SLC26A11: variants seen among roughly 807,000 people sequenced by gnomAD.
SLC26A11 encodes the protein solute carrier family 26 member 11.
Under a neutral mutation model 62.2 loss-of-function variants are expected in SLC26A11, and 58 were observed. The ratio of observed to expected loss-of-function variants is 0.93; its 90% CI spans 0.76 to 1.16. The LOEUF (loss-of-function observed/expected upper bound fraction) is 1.16. Ranked by LOEUF, SLC26A11 falls within the 50% of genes most tolerant of loss-of-function variation. The pLI, the probability that SLC26A11 is intolerant of heterozygous loss-of-function variation, is 0.00. For missense variants in SLC26A11, 790 were observed against 794.3 expected (o/e 0.99, Z 0.06); for synonymous variants, 411 against 368.9 (o/e 1.11, Z -1.31).
At chr17:80,239,623 T>C (rs149471783) in intron 9 of SLC26A11, among the ~76,000 whole-genome samples, 21,234 of 151,108 alleles carry the variant, frequency 0.14, 2,213 homozygotes, top group African/African-American at 0.29. Context: ...GTGATCTGCC[T>C]GCCTTAGCCT....
chr17:80,222,049 C>T lies in SLC26A11; in HGVS notation c.234+255C>T, dbSNP rs112798686. 9,165 of 459,178 alleles carry T rather than the reference C, an allele frequency of 0.02. 123 individuals are homozygous for T. The highest frequency in any genetic ancestry group is 0.027 in the Non-Finnish European group (7,167 of 262,776). 28.4% of individuals were successfully genotyped at this position (459,178 alleles called of 1,614,324 possible). A position where few individuals can be genotyped will look rare whatever the true frequency, so the allele number is the denominator to read the frequency against. On this transcript the variant is annotated intron_variant, in intron 3 of 17. Transcript: ENST00000361193. The surrounding 1 kb of genome is among the most constrained non-coding windows in gnomAD (Gnocchi z 4.7). Reference sequence around the variant, plus strand: ...AGGCCTCAGGAGTTCAAGACCAGCCCGACCAAAATGGTGAAACCCCGTCTC... The same window carrying T: ...AGGCCTCAGGAGTTCAAGACCAGCCTGACCAAAATGGTGAAACCCCGTCTC...
At position 80,222,771 on chromosome 17, in the gene SLC26A11, C is replaced by T. The variant is rs2042258718; in HGVS notation, c.351C>T (p.Phe117=). 1.2e-6 allele frequency: 2 copies of T among 1,614,234 alleles called. No individual in the cohort carries two copies. Among genetic ancestry groups the T allele is most frequent in the Non-Finnish European group, 1.7e-6 (2 of 1,180,052 alleles). ...IMSLLVSFYT[F]HEPAYAVLLA... The stretch of plus-strand genomic sequence containing the variant: ...CCCTCCTGGTCTCCTTCTACACCTT[C>T]CATGAGCCCGCCTACGCTGTGCTGC... Residue 117 remains phenylalanine, a synonymous_variant, in exon 4 of 18, where the codon TTC becomes TTT. Transcript: ENST00000361193. The surrounding 1 kb of genome is among the most constrained non-coding windows in gnomAD (Gnocchi z 4.7).
Position 80,222,325 on chromosome 17 carries a change from G to A in SLC26A11, c.235-330G>A, listed in dbSNP as rs1193533890. 4.2e-6 allele frequency: 1 copy of A among 238,350 alleles called. No individual in the cohort carries two copies. Among genetic ancestry groups the A allele is most frequent in the African/African-American group, 2.3e-5 (1 of 43,488 alleles). The allele number at this position is 238,350 out of a possible 1,614,324, so 14.8% of individuals were successfully genotyped here. A position where few individuals can be genotyped will look rare whatever the true frequency, so the allele number is the denominator to read the frequency against. ...CGGGAGGCGGAGCTTGCAGTGAGCC[G>A]AGACTGTGCCACTGCCCTCCAGCCT... On this transcript the variant is annotated intron_variant, in intron 3 of 17. Coordinates refer to ENST00000361193, the MANE Select transcript of SLC26A11 (RefSeq NM_001166347.2). This position sits in a 1 kb window ranked among gnomAD's most constrained non-coding sequence, Gnocchi z 4.7.
chr17:80,242,354 TC>T (rs1310519405), intron 10 of SLC26A11, among the ~76,000 whole-genome samples: 1 of 152,214 alleles, frequency 6.6e-6, no homozygotes, highest in Non-Finnish European at 1.5e-5. Context: ...GGAGCTGACA[TC>T]TGTTGTCTGT....
intron 5 of SLC26A11, chr17:80,225,536 G>T: frequency 3.3e-6 from 1 of 306,582 alleles, no homozygotes; most frequent in South Asian, 3.6e-5. Context: ...GAACCTGTCT[G>T]CCTGCTGTGG....
At chr17:80,230,689 G>A (rs1211967145) in intron 7 of SLC26A11, among the ~76,000 whole-genome samples, 2 of 152,122 alleles carry the variant, frequency 1.3e-5, no homozygotes, top group African/African-American at 2.4e-5. Context: ...TGTCTCCGCA[G>A]CCAGAAAGGT....
At position 80,222,926 on chromosome 17, in the gene SLC26A11, T is replaced by A; in HGVS notation, c.427+79T>A. The stretch of plus-strand genomic sequence containing the variant: ...TTTGCATTTCAAGTCTATCCCCGTG[T>A]GCGTGTGTGTGCGTGTTGGGGTGTG... On this transcript the variant is annotated intron_variant, in intron 4 of 17. Transcript: ENST00000361193. This position sits in a 1 kb window ranked among gnomAD's most constrained non-coding sequence, Gnocchi z 4.7. 7.3e-7 allele frequency: 1 copy of A among 1,369,900 alleles called. No individual in the cohort carries two copies. Among genetic ancestry groups the A allele is most frequent in the South Asian group, 1.3e-5 (1 of 79,320 alleles). The allele number at this position is 1,369,900 out of a possible 1,614,324, so 84.9% of individuals were successfully genotyped here.
At chr17:80,245,010 C>T (rs1382861793) in intron 10 of SLC26A11, among the ~76,000 whole-genome samples, 186 bp from the exon 11 acceptor site, 1 of 148,264 alleles carries the variant, frequency 6.7e-6, no homozygotes, top group South Asian at 2.2e-4. Flanking sequence ...CTAGGCTTTA[C>T]GTCTGCAAGA....
At chr17:80,231,742 G>T (rs1223061315) in intron 7 of SLC26A11, among the ~76,000 whole-genome samples, 1 of 152,180 alleles carries the variant, frequency 6.6e-6, no homozygotes, top group Admixed American at 6.5e-5. Context: ...ATAGTTGGGG[G>T]TTTCCCAATT....
intron 7 of SLC26A11, 30 bp from the exon 8 acceptor site, chr17:80,236,898 G>A: frequency 6.3e-7 from 1 of 1,591,632 alleles, no homozygotes; most frequent in Non-Finnish European, 8.6e-7. Flanking sequence ...CGGGAGCAGG[G>A]TCTCGGACGC....
chr17:80,251,579 A>G (rs894947529), intron 17 of SLC26A11, among the ~76,000 whole-genome samples, 178 bp downstream of exon 17: 9 of 152,164 alleles, frequency 5.9e-5, no homozygotes, highest in Admixed American at 5.9e-4. Flanking sequence ...CCTGGCCAAC[A>G]TGGTAAAACC....
chr17:80,239,391 C>CTTTCT (rs1555629305), intron 9 of SLC26A11, among the ~76,000 whole-genome samples: 3,340 of 131,588 alleles, frequency 0.025, 171 homozygotes, highest in African/African-American at 0.089. Flanking sequence ...CCAGTAATTT[C>CTTTCT]TTTTTTTTTT....
At position 80,236,276 on chromosome 17, in the gene SLC26A11, A is replaced by ATCTCTGCAGC. The variant is rs1299611132; in HGVS notation, c.737-648_737-639dup. Among the ~76,000 whole-genome samples the ATCTCTGCAGC allele has an allele frequency of 2.9e-4, 44 of 152,280 alleles. No homozygotes were observed. The South Asian group carries it at 3.9e-3, about 14-fold the overall frequency. On this transcript the variant is annotated intron_variant, in intron 7 of 17. Transcript: ENST00000361193. ...TGCACATCCGAGGGCACCTCTGCAG[A>ATCTCTGCAGC]TCTCTGCAGCTCTGTCTCCGGCTGC... is the stretch of plus-strand genomic sequence containing the variant.
Position 80,252,433 on chromosome 17 carries a change from A to G in SLC26A11, c.1730-192A>G, listed in dbSNP as rs1267489798. 6.6e-6 allele frequency among the ~76,000 whole-genome samples: 1 copy of G among 152,044 alleles called. No homozygotes were observed. Among genetic ancestry groups the G allele is most frequent in the Non-Finnish European group, 1.5e-5 (1 of 68,002 alleles). On this transcript the variant is annotated intron_variant, in intron 17 of 17. Transcript: ENST00000361193. The surrounding 1 kb of genome is among the most constrained non-coding windows in gnomAD (Gnocchi z 5.2). ...GAGCAGTAAGAAAGGGCCGTTAGTC[A>G]CCTGAAAAATACGCTTACAGAGACT...
intron 17 of SLC26A11, among the ~76,000 whole-genome samples, chr17:80,251,989 G>A (rs760578828): frequency 3.3e-5 from 5 of 152,106 alleles, no homozygotes; most frequent in Admixed American, 2.6e-4. Flanking sequence ...TCCACATCCC[G>A]GGGGATCAGG....
Position 80,241,235 on chromosome 17 carries a change from T to G in SLC26A11, c.986-536T>G, listed in dbSNP as rs1417095429. ...ACAAATCACCCATAATCCCTTTTAC[T>G]ACCACAATTAACTACTGCTTACATG... On this transcript the variant is annotated intron_variant, in intron 9 of 17. Transcript: ENST00000361193. Among the ~76,000 whole-genome samples, 6 of 152,244 alleles carry G rather than the reference T, an allele frequency of 3.9e-5. 1 individual carries two copies. Among genetic ancestry groups the G allele is most frequent in the Admixed American group, 3.3e-4 (5 of 15,290 alleles).
intron 5 of SLC26A11, among the ~76,000 whole-genome samples, chr17:80,224,192 AGT>A (rs1222927307): frequency 1.6e-5 from 2 of 127,228 alleles, no homozygotes; most frequent in Non-Finnish European, 3.4e-5. Context: ...AGTGTGTATG[AGT>A]GTGTGTGAGT....
At chr17:80,224,380 CGCGTGT>C (rs1225822200) in intron 5 of SLC26A11, among the ~76,000 whole-genome samples, 58 of 123,930 alleles carry the variant, frequency 4.7e-4, no homozygotes, top group African/African-American at 1.8e-3. Flanking sequence ...AGTGCGCGCG[CGCGTGT>C]GTGAGTGTAT....
chr17:80,246,332 G>A lies in SLC26A11; in HGVS notation c.1153+123G>A. The A allele has an allele frequency of 7.0e-7, 1 of 1,432,220 alleles. No individual in the cohort carries two copies. The allele number at this position is 1,432,220 out of a possible 1,614,324, so 88.7% of individuals were successfully genotyped here. A position where few individuals can be genotyped will look rare whatever the true frequency, so the allele number is the denominator to read the frequency against. ...CGCCCCGGGACTGCACAGGGACTTG[G>A]GGGGCCACACAGGAGTAGGGGGACC... is the stretch of plus-strand genomic sequence containing the variant. On this transcript the variant is annotated intron_variant, in intron 12 of 17. Coordinates refer to ENST00000361193, the MANE Select transcript of SLC26A11 (RefSeq NM_001166347.2). The surrounding 1 kb of genome is among the most constrained non-coding windows in gnomAD (Gnocchi z 4.4).
Sources: gnomAD v4.1 joint callset for allele counts (sites outside exome capture counted in the v4.1 genomes callset) on GRCh38, gnomAD v4.1.1 for gene constraint, Gnocchi (gnomAD v3.1) non-coding constraint, MANE v1.5 for transcripts, NCBI Gene and HGNC (gene_info 2026-07-23, HGNC 2026-07-21) for gene names.